The following HDAC9 variants were observed in gnomAD, a reference collection of about 807,000 sequenced individuals.
HDAC9 encodes the protein MEF-2 interacting transcription repressor (MITR) protein.
HDAC9 carries 41 observed loss-of-function variants against 139.4 expected under a neutral mutation model. The ratio of observed to expected loss-of-function variants is 0.29; its 90% confidence interval spans 0.23 to 0.38. HDAC9 has a LOEUF of 0.38. Among genes scored for constraint, HDAC9 ranks in the 10% least tolerant of loss-of-function variants. The pLI is 1.00. For synonymous variants in HDAC9, 517 were observed against 476.2 expected, an observed-to-expected ratio of 1.09 and a Z score of -1.12; for missense variants, 1,147 against 1,297.0, an observed-to-expected ratio of 0.88 and a Z score of 1.78.
intron 15 of HDAC9, among the ~76,000 whole-genome samples, chr7:18,766,458 G>T (rs1226930589): frequency 3.3e-5 from 5 of 152,092 alleles, no homozygotes; most frequent in Non-Finnish European, 5.9e-5. Context: ...ATTTTATATT[G>T]ATATTGATGT....
chr7:18,967,933 C>T (rs1227292299), intron 24 of HDAC9, among the ~76,000 whole-genome samples: 11 of 152,108 alleles, frequency 7.2e-5, no homozygotes, highest in Admixed American at 5.2e-4. Flanking sequence ...GAGGCCGAGG[C>T]GGGCGGATCA....
intron 2 of HDAC9, among the ~76,000 whole-genome samples, chr7:18,200,475 G>A (rs1562740378): frequency 2.6e-5 from 4 of 152,178 alleles, no homozygotes; most frequent in Non-Finnish European, 4.4e-5. Flanking sequence ...TCAGTGGAAC[G>A]TTTCAGTACT....
chr7:18,874,401 C>A, intron 21 of HDAC9, 77 bp from the exon 22 acceptor site: 1 of 767,242 alleles, frequency 1.3e-6, no homozygotes, highest in Non-Finnish European at 2.2e-6. Context: ...TATTGTTGTG[C>A]CAGGTCGTTT....
rs73068265 is a variant in HDAC9, at chr7:18,282,684, C to G, written c.25+120335C>G. Among the ~76,000 whole-genome samples the G allele has an allele frequency of 6.8e-3, 1,035 of 152,224 alleles. 10 individuals carry two copies. The highest frequency in any genetic ancestry group is 0.02 in the Middle Eastern group (6 of 294). On this transcript the variant is annotated intron_variant, in intron 2 of 12. Transcript: ENST00000417496. ...GCAAAAGGATGTTGCAATTGAACTT[C>G]ACAGTGCATCCATACCAATCCACCG... is the stretch of plus-strand genomic sequence containing the variant.
At chr7:18,664,342 T>C (rs1432731564) in intron 11 of HDAC9, among the ~76,000 whole-genome samples, 1 of 152,186 alleles carries the variant, frequency 6.6e-6, no homozygotes, top group Non-Finnish European at 1.5e-5. Context: ...ATATGAGTTT[T>C]GATTGGTATA....
At chr7:18,744,705 A>G (rs1271182321) in intron 13 of HDAC9, among the ~76,000 whole-genome samples, 1 of 152,200 alleles carries the variant, frequency 6.6e-6, no homozygotes, top group Non-Finnish European at 1.5e-5. Flanking sequence ...TGGCTAAAAA[A>G]TGACAACTAC....
At chr7:18,902,374 G>A (rs1801809633) in intron 22 of HDAC9, among the ~76,000 whole-genome samples, 2 of 152,136 alleles carry the variant, frequency 1.3e-5, no homozygotes, top group Admixed American at 6.6e-5. Flanking sequence ...AGGGGTAGGG[G>A]AATGAACAGG....
At chr7:18,442,618 A>G (rs1326089743) in intron 1 of HDAC9, among the ~76,000 whole-genome samples, 1 of 152,214 alleles carries the variant, frequency 6.6e-6, no homozygotes, top group Non-Finnish European at 1.5e-5. Context: ...TTGTCCTCAG[A>G]GTTATCTGAA....
rs1305834331 is a variant in HDAC9 at position 18,762,292 on chromosome 7, C to T, written c.2164+15C>T. On this transcript the variant is annotated intron_variant, in intron 15 of 25. Transcript: ENST00000686413. ...GATACTCCTAGGTCTGTACGGGCCT[C>T]CACTGTACTGGGAACAGCACATTCC... is the stretch of plus-strand genomic sequence containing the variant. The T allele has an allele frequency of 1.2e-6, 2 of 1,612,776 alleles. No homozygotes were observed. Among genetic ancestry groups the T allele is most frequent in the Non-Finnish European group, 1.7e-6 (2 of 1,179,266 alleles).
Position 18,994,157 on chromosome 7 carries a change from C to T in HDAC9, c.3171-1866C>T, listed in dbSNP as rs76111893. On this transcript the variant is annotated intron_variant, in intron 25 of 25. Transcript: ENST00000686413. The stretch of plus-strand genomic sequence containing the variant: ...ACATCTGTGACCTCTGAGACATTTC[C>T]CACACGTGACTGTCTCTGGAATTCC... 8.7e-4 allele frequency among the ~76,000 whole-genome samples: 133 copies of T among 152,192 alleles called. 2 individuals are homozygous for T. The East Asian group carries it at 0.023, about 26-fold the overall frequency.
Position 18,648,448 on chromosome 7 carries a change from A to G in HDAC9, c.1250-18A>G, listed in dbSNP as rs1222600763. ...TGTGTGTGTGTATACACACATATAC[A>G]TGTATTTTTTTTTTCAGGTGGAGTT... On this transcript the variant is annotated intron_variant, in intron 10 of 25. Coordinates refer to ENST00000686413, the MANE Select transcript of HDAC9 (RefSeq NM_178425.4). 2 of 1,575,190 alleles carry G rather than the reference A, an allele frequency of 1.3e-6. No individual in the cohort carries two copies. Among genetic ancestry groups the G allele is most frequent in the Non-Finnish European group, 1.7e-6 (2 of 1,145,828 alleles).
intron 17 of HDAC9, among the ~76,000 whole-genome samples, chr7:18,816,907 A>C (rs983032122): frequency 1.3e-5 from 2 of 152,220 alleles, no homozygotes; most frequent in African/African-American, 4.8e-5. Flanking sequence ...TAAATGACCT[A>C]TCAGAGGTAT....
chr7:18,716,173 G>C (rs1784685944), intron 12 of HDAC9, among the ~76,000 whole-genome samples: 1 of 152,050 alleles, frequency 6.6e-6, no homozygotes, highest in African/African-American at 2.4e-5. Context: ...TGTTCATCCT[G>C]TACTGTCCAT....
intron 2 of HDAC9, among the ~76,000 whole-genome samples, chr7:18,578,628 A>G (rs1826789802): frequency 6.6e-6 from 1 of 152,216 alleles, no homozygotes; most frequent in African/African-American, 2.4e-5. Context: ...CAGGCAAAGA[A>G]CATAACCAAT....
At chr7:18,805,683 G>A (rs139036057) in intron 17 of HDAC9, among the ~76,000 whole-genome samples, 1 of 152,340 alleles carries the variant, frequency 6.6e-6, no homozygotes, top group Non-Finnish European at 1.5e-5. Context: ...ACGCATCTCA[G>A]TGAACTTAGC....
chr7:18,939,098 GTTA>G (rs1428259900), intron 23 of HDAC9, among the ~76,000 whole-genome samples: 1 of 152,152 alleles, frequency 6.6e-6, no homozygotes, highest in African/African-American at 2.4e-5. Flanking sequence ...ATTTGAGTTA[GTTA>G]TTATGATGCC....
In HDAC9 at chr7:18,349,359, CACAG is replaced by C. The variant is rs1782679062; in HGVS notation, c.-42+58846_-42+58849del. ...ACACACACACACACACACACACACA[CACAG>C]ATATTGCCCTTCCTCCTTGCTGGCT... On this transcript the variant is annotated intron_variant, in intron 1 of 3. Coordinates refer to the HDAC9 transcript ENST00000413509. Among the ~76,000 whole-genome samples, 7 of 132,392 alleles carry C rather than the reference CACAG, an allele frequency of 5.3e-5. 1 individual carries two copies. The South Asian group carries it at 1.4e-3, about 27-fold the overall frequency. 86.9% of individuals were successfully genotyped at this position (132,392 alleles called of 152,430 possible). A position where few individuals can be genotyped will look rare whatever the true frequency, so the allele number is the denominator to read the frequency against.
At chr7:18,969,693 C>G (rs144478483) in intron 24 of HDAC9, among the ~76,000 whole-genome samples, 154 of 151,888 alleles carry the variant, frequency 1.0e-3, no homozygotes, top group African/African-American at 3.7e-3. Context: ...AAAAATACAG[C>G]ATTTGATATT....
intron 12 of HDAC9, among the ~76,000 whole-genome samples, chr7:18,705,516 C>T (rs915797617): frequency 5.3e-5 from 8 of 151,954 alleles, no homozygotes; most frequent in South Asian, 2.1e-4. Context: ...AATGATTAAC[C>T]GAACCCTGTA....
Sources: allele counts gnomAD v4.1 joint callset (sites outside exome capture counted in the v4.1 genomes callset), GRCh38; gene constraint gnomAD v4.1.1; transcripts MANE v1.5; gene names NCBI Gene and HGNC (gene_info 2026-07-23, HGNC 2026-07-21).